The following TTN variants were observed in gnomAD, a reference collection of about 807,000 sequenced individuals.
TTN encodes titin, also known as connectin.
A neutral mutation model predicts 3,223.0 loss-of-function variants in TTN; 1,525 were observed. The observed-to-expected ratio is 0.47, with a 90% CI of 0.45 to 0.49. The LOEUF (loss-of-function observed/expected upper bound fraction) is 0.49. Ranked by LOEUF, TTN falls within the 20% of genes least tolerant of loss-of-function variation. The pLI, the probability that TTN is intolerant of heterozygous loss-of-function variation, is 0.00. For synonymous variants in TTN, 14,094 were observed against 15,161.0 expected, an observed-to-expected ratio of 0.93 and a Z score of 5.17; for missense variants, 40,786 against 43,424.0, an observed-to-expected ratio of 0.94 and a Z score of 5.40.
Position 178,578,033 on chromosome 2 carries a change from T to G in TTN, c.68482A>C (p.Lys22828Gln). 6.2e-7 allele frequency: 1 copy of G among 1,613,230 alleles called. No individual in the cohort carries two copies. Among genetic ancestry groups the G allele is most frequent in the Non-Finnish European group, 8.5e-7 (1 of 1,179,462 alleles). ...ACAGGCTCTGATGGTAGGCTTGGCT[T>G]GCCCACACCTGCTAAATTGATTGCC... is the stretch of plus-strand genomic sequence containing the variant. ...VMAINLAGVGKPSLPSEPVVA... is the reference protein window; with the variant it reads ...VMAINLAGVGQPSLPSEPVVA... Residue 22828 changes from lysine (K) to glutamine (Q), a missense_variant, in exon 322 of 363, where the codon AAG becomes CAG. By Grantham distance (53) the Lys-to-Gln change is moderately conservative. Coordinates refer to ENST00000589042, the MANE Select transcript of TTN (RefSeq NM_001267550.2).
At chr2:178,635,915 T>C (rs752236691) in intron 226 of TTN, 48 bp downstream of exon 226, 1 of 1,537,786 alleles carries the variant, frequency 6.5e-7, no homozygotes, top group Non-Finnish European at 8.7e-7. Context: ...TCTTCCATTT[T>C]CTTAGTGTAA....
At position 178,546,227 on chromosome 2, in the gene TTN, T is replaced by C. The variant is rs370696758; in HGVS notation, c.95104A>G (p.Met31702Val). The C allele has an allele frequency of 3.7e-6, 6 of 1,610,778 alleles. No individual in the cohort carries two copies. The highest frequency in any genetic ancestry group is 1.1e-5 in the South Asian group (1 of 90,736). ...NASGTKAVSV[M>V]VKVLDSPGPC... ...ACATGCTTACCAAGCACTTTGACCA[T>C]GACAGACACGGCCTTGGTCCCGCTG... Residue 31702 changes from methionine (M) to valine (V), a missense_variant, in exon 342 of 363, where the codon ATG becomes GTG. Transcript: ENST00000589042.
In TTN at chr2:178,661,024, G is replaced by A. The variant is rs1014248546; in HGVS notation, c.37285+735C>T. 2.3e-3 allele frequency among the ~76,000 whole-genome samples: 195 copies of A among 86,254 alleles called. 1 individual carries two copies. Among genetic ancestry groups the A allele is most frequent in the African/African-American group, 8.0e-3 (175 of 21,770 alleles). The allele number at this position is 86,254 out of a possible 152,430, so 56.6% of individuals were successfully genotyped here. On this transcript the variant is annotated intron_variant, in intron 180 of 362. Transcript: ENST00000589042. ...GGTGATCATTAAAAAGTCAGGAAAC[G>A]ACAGGCGCTGGAGAGGATGTGGAGC... is the stretch of plus-strand genomic sequence containing the variant.
chr2:178,788,677 CAG>C (rs2093333761), intron 13 of TTN, among the ~76,000 whole-genome samples: 1 of 151,984 alleles, frequency 6.6e-6, no homozygotes, highest in African/African-American at 2.4e-5. Context: ...GAGTAAATGA[CAG>C]AGTCATGGGA....
chr2:178,802,197 G>T lies in TTN; in HGVS notation c.236C>A (p.Ser79Tyr). ...AVTKANSGRYSLKATNGSGQA... is the reference protein window; with the variant it reads ...AVTKANSGRYYLKATNGSGQA... ...TCCAGATCCATTGGTGGCTTTCAGG[G>T]AATATCGTCCACTGTTGGCTTTAGT... is the stretch of plus-strand genomic sequence containing the variant. Residue 79 changes from serine (S) to tyrosine (Y), a missense_variant, in exon 3 of 363, where the codon TCC becomes TAC. Transcript: ENST00000589042. 1 of 1,614,158 alleles carries T rather than the reference G, an allele frequency of 6.2e-7. No individual in the cohort carries two copies. The highest frequency in any genetic ancestry group is 8.5e-7 in the Non-Finnish European group (1 of 1,180,018).
At position 178,614,646 on chromosome 2, in the gene TTN, T is replaced by C. The variant is rs778793317; in HGVS notation, c.48868A>G (p.Ile16290Val). The change falls in exon 261 of 363, where the codon ATA becomes GTA. Residue 16290 changes from isoleucine to valine, a missense_variant. Physicochemically the swap from Ile to Val is conservative, Grantham distance 29 (BLOSUM62 3). Coordinates refer to ENST00000589042, the MANE Select transcript of TTN (RefSeq NM_001267550.2). ...ATCATATCAGCCTTTGTCCAAGTTA[T>C]TTTAGGTTCAGGTTTTCCGGTTACG... is the stretch of plus-strand genomic sequence containing the variant. ...ATVTGKPEPKITWTKADMILK... is the reference protein window; with the variant it reads ...ATVTGKPEPKVTWTKADMILK... 3.1e-6 allele frequency: 5 copies of C among 1,612,442 alleles called. No individual in the cohort carries two copies. Among genetic ancestry groups the C allele is most frequent in the East Asian group, 2.2e-5 (1 of 44,572 alleles).
At chr2:178,629,164 A>T in intron 240 of TTN, 137 bp downstream of exon 240, 1 of 1,228,446 alleles carries the variant, frequency 8.1e-7, no homozygotes, top group Non-Finnish European at 1.1e-6. Flanking sequence ...TTCAGCAGAA[A>T]TCAGGCTAAA....
At position 178,547,601 on chromosome 2, in the gene TTN, G is replaced by A. The variant is rs1697759975; in HGVS notation, c.94025C>T (p.Thr31342Ile). The stretch of plus-strand genomic sequence containing the variant: ...TTCACGCTTTTCAACTATGTAATTA[G>A]TAATTTCAGTGCCTCCTCCATCTTT... ...EPKDGGGTEI[T>I]NYIVEKRESG... Residue 31342 changes from threonine (T) to isoleucine (I), a missense_variant, in exon 339 of 363, where the codon ACT becomes ATT. Thr to Ile is a moderately conservative substitution (Grantham distance 89, BLOSUM62 -1). Transcript: ENST00000589042. 11 of 1,613,738 alleles carry A rather than the reference G, an allele frequency of 6.8e-6. No individual in the cohort carries two copies. Among genetic ancestry groups the A allele is most frequent in the Non-Finnish European group, 9.3e-6 (11 of 1,179,824 alleles).
chr2:178,649,589 G>T lies in TTN; in HGVS notation c.39938C>A (p.Pro13313Gln). The change falls in exon 212 of 363, where the codon CCA becomes CAA. Residue 13313 changes from proline to glutamine, a missense_variant. Coordinates refer to ENST00000589042, the MANE Select transcript of TTN (RefSeq NM_001267550.2). ...PKKVVPVKKV[P>Q]TVKKPETPAA... ...TGGTGTTTCTGGCTTCTTAACAGTT[G>T]GGACCTTCTTCACTGGAACAACTTT... 6.5e-7 allele frequency: 1 copy of T among 1,549,996 alleles called. No homozygotes were observed. The highest frequency in any genetic ancestry group is 1.2e-5 in the South Asian group (1 of 84,004).
intron 41 of TTN, among the ~76,000 whole-genome samples, chr2:178,765,188 G>T (rs2154340177): frequency 6.6e-6 from 1 of 152,266 alleles, no homozygotes; most frequent in Non-Finnish European, 1.5e-5. Flanking sequence ...GACAAATCAT[G>T]TGGTGAAGAG....
rs752212202 is a variant in TTN at position 178,782,566 on chromosome 2, G to A, written c.3137C>T (p.Thr1046Ile). The A allele has an allele frequency of 1.9e-6, 3 of 1,613,854 alleles. No individual in the cohort carries two copies. The African/African-American group carries it at 4.0e-5, about 22-fold the overall frequency. Residue 1046 changes from threonine (T) to isoleucine (I), a missense_variant, in exon 19 of 363, where the codon ACT becomes ATT. Physicochemically the swap from Thr to Ile is moderately conservative, Grantham distance 89. Transcript: ENST00000589042. ...EEFEKETTAV[T>I]EKFTTEEKRF... ...TTTCTCTTCTGTAGTAAATTTCTCA[G>A]TCACGGCTGTGGTTTCCTTTTCAAA...
chr2:178,623,446 C>T (rs1381915224), intron 242 of TTN, among the ~76,000 whole-genome samples: 1 of 151,722 alleles, frequency 6.6e-6, no homozygotes, highest in East Asian at 2.0e-4. Context: ...GCCCCCTTGC[C>T]CTTCCTTCTT....
chr2:178,630,461 A>T, intron 238 of TTN, 94 bp from the exon 239 acceptor site: 1 of 1,407,594 alleles, frequency 7.1e-7, no homozygotes, highest in Non-Finnish European at 9.6e-7. Context: ...GAATGCAACA[A>T]ATAAATGGTG....
chr2:178,736,200 G>A, intron 49 of TTN, 126 bp from the exon 50 acceptor site: 2 of 846,526 alleles, frequency 2.4e-6, no homozygotes, highest in South Asian at 4.4e-5. Flanking sequence ...ATTTAAAATG[G>A]AGTAATGTGT....
At position 178,576,823 on chromosome 2, in the gene TTN, CA is replaced by C. The variant is rs1330960948; in HGVS notation, c.69420del (p.Gly23141AlafsTer36). On this transcript the variant is annotated frameshift_variant, in exon 325 of 363. Coordinates refer to ENST00000589042, the MANE Select transcript of TTN (RefSeq NM_001267550.2). LOFTEE classifies it high-confidence loss of function. The surrounding 1 kb of genome is among the most constrained non-coding windows in gnomAD (Gnocchi z 4.3). ...GATACCTCTGGTTTTTCAGGAGGGCCAGGGGGACCTGAAAAGGAAGCAAATT... is the reference window on the plus strand; with the variant it reads ...GATACCTCTGGTTTTTCAGGAGGGCCGGGGGACCTGAAAAGGAAGCAAATT... Reference protein sequence around the residue: ...PVKMVDRFGPPGPPEKPEVSN... With the variant: ...PVKMVDRFGPXGPPEKPEVSN... 3.1e-6 allele frequency: 5 copies of C among 1,607,064 alleles called. No individual in the cohort carries two copies. Among genetic ancestry groups the C allele is most frequent in the Non-Finnish European group, 2.5e-6 (3 of 1,178,120 alleles).
intron 13 of TTN, among the ~76,000 whole-genome samples, chr2:178,788,729 T>TA (rs2093336241): frequency 6.6e-6 from 1 of 152,186 alleles, no homozygotes; most frequent in South Asian, 2.1e-4. Flanking sequence ...TACAAATAGA[T>TA]ACGGTAATCT....
intron 47 of TTN, chr2:178,748,917 A>C (rs770901828): frequency 6.2e-7 from 1 of 1,612,480 alleles, no homozygotes; most frequent in Non-Finnish European, 8.5e-7. Context: ...TTTAATGAAA[A>C]GGCTTTGTCA....
intron 149 of TTN, 38 bp from the exon 150 acceptor site, chr2:178,675,151 A>G: frequency 7.3e-7 from 1 of 1,368,428 alleles, no homozygotes; most frequent in Non-Finnish European, 1.0e-6. Context: ...CTTAAAATGC[A>G]AGAACCAAAG....
Position 178,539,234 on chromosome 2 carries a change from T to C in TTN, c.98701A>G (p.Ser32901Gly). The C allele has an allele frequency of 6.2e-7, 1 of 1,613,470 alleles. No homozygotes were observed. The highest frequency in any genetic ancestry group is 2.2e-5 in the East Asian group (1 of 44,864). The change falls in exon 353 of 363, where the codon AGC (serine) becomes GGC (glycine). Residue 32901 changes from serine (S) to glycine (G), a missense_variant. Ser to Gly is a moderately conservative substitution (Grantham distance 56). Transcript: ENST00000589042. ...KTPLNPPEPP[S>G]NPPEVLDVTK... is the part of the protein sequence containing the mutation. ...ACATCGAGTACTTCTGGAGGATTGC[T>C]TGGAGGTTCTGGAGGATCTGTAAAT...
Sources: gnomAD v4.1 joint callset for allele counts (sites outside exome capture counted in the v4.1 genomes callset) on GRCh38, gnomAD v4.1.1 for gene constraint, Gnocchi (gnomAD v3.1) non-coding constraint, MANE v1.5 for transcripts, NCBI Gene and HGNC (gene_info 2026-07-23, HGNC 2026-07-21) for gene names.